Variants in NRG3 observed in about 807,000 individuals in gnomAD.
The protein encoded by NRG3 is neuregulin 3, also known as pro-neuregulin-3, membrane-bound isoform.
NRG3 carries 31 observed loss-of-function variants against 66.9 expected under a neutral mutation model. The ratio of observed to expected loss-of-function variants is 0.46; its 90% confidence interval spans 0.35 to 0.63. NRG3 has a LOEUF of 0.63. Ranked by LOEUF, NRG3 falls within the 20% of genes least tolerant of loss-of-function variation. The pLI, the probability that NRG3 is intolerant of heterozygous loss-of-function variation, is 0.00. For missense variants in NRG3, 910 were observed against 878.9 expected, an observed-to-expected ratio of 1.04 and a Z score of -0.45; for synonymous variants, 393 against 359.4, an observed-to-expected ratio of 1.09 and a Z score of -1.06.
chr10:82,187,847 A>G (rs1029830832), intron 1 of NRG3, among the ~76,000 whole-genome samples: 2 of 152,212 alleles, frequency 1.3e-5, no homozygotes, highest in African/African-American at 2.4e-5. Context: ...GACTGACATC[A>G]TAGAAGAAGC....
intron 1 of NRG3, among the ~76,000 whole-genome samples, chr10:81,980,701 G>A (rs746104747): frequency 1.3e-5 from 2 of 152,102 alleles, no homozygotes; most frequent in African/African-American, 4.8e-5. Context: ...CATATAATAG[G>A]TGCTTTAAAT....
intron 2 of NRG3, among the ~76,000 whole-genome samples, chr10:82,484,573 C>A (rs913582288): frequency 4.6e-5 from 7 of 152,156 alleles, no homozygotes; most frequent in Non-Finnish European, 8.8e-5. Flanking sequence ...CATAAGCTAT[C>A]TTTGGCATTA....
chr10:82,549,806 T>A (rs1359618558), intron 2 of NRG3, among the ~76,000 whole-genome samples: 1 of 151,924 alleles, frequency 6.6e-6, no homozygotes, highest in Non-Finnish European at 1.5e-5. Flanking sequence ...AATAAGGTGA[T>A]GCTTGGGTGC....
chr10:82,089,691 T>C (rs1463243612), intron 1 of NRG3, among the ~76,000 whole-genome samples: 1 of 152,238 alleles, frequency 6.6e-6, no homozygotes, highest in Non-Finnish European at 1.5e-5. Flanking sequence ...TCTAATTCTC[T>C]TTGAGATGAT....
chr10:82,917,919 T>C (rs1441291636), intron 4 of NRG3, among the ~76,000 whole-genome samples: 4 of 150,506 alleles, frequency 2.7e-5, no homozygotes, highest in Non-Finnish European at 5.9e-5. Flanking sequence ...TGTATTTTTA[T>C]ATATACACAC....
rs79939873 is a variant in NRG3 at position 82,700,881 on chromosome 10, C to T, written c.954-37696C>T. ...CAGTGATCTTGGACACAAGGGAACA[C>T]GTCACCTTTAACTCGTGTCACAGGA... On this transcript the variant is annotated intron_variant, in intron 2 of 8. Transcript: ENST00000372141. Among the ~76,000 whole-genome samples the T allele has an allele frequency of 2.9e-3, 445 of 152,126 alleles. 4 individuals are homozygous for T. Among genetic ancestry groups the T allele is most frequent in the African/African-American group, 0.01 (416 of 41,522 alleles).
intron 2 of NRG3, among the ~76,000 whole-genome samples, chr10:82,518,694 G>A (rs1276807362): frequency 6.6e-6 from 1 of 152,068 alleles, no homozygotes; most frequent in African/African-American, 2.4e-5. Context: ...ATCTTCAAGG[G>A]CAGCTGGTGA....
intron 2 of NRG3, among the ~76,000 whole-genome samples, chr10:82,384,420 T>C (rs918816231): frequency 2.0e-5 from 3 of 152,186 alleles, no homozygotes; most frequent in African/African-American, 7.2e-5. Context: ...CCTGATCCTC[T>C]TGATCCTCCC....
At chr10:82,143,854 A>T (rs2070011259) in intron 1 of NRG3, among the ~76,000 whole-genome samples, 1 of 152,050 alleles carries the variant, frequency 6.6e-6, no homozygotes, top group Admixed American at 6.6e-5. Context: ...ACATGGCAAA[A>T]TCCTGTTTCT....
intron 4 of NRG3, among the ~76,000 whole-genome samples, chr10:82,906,566 T>G (rs927630641): frequency 6.6e-6 from 1 of 152,208 alleles, no homozygotes; most frequent in African/African-American, 2.4e-5. Flanking sequence ...TTATAAATTT[T>G]GCCTATTTCT....
chr10:82,028,605 C>T (rs1252604071), intron 1 of NRG3, among the ~76,000 whole-genome samples: 1 of 152,030 alleles, frequency 6.6e-6, no homozygotes, highest in Non-Finnish European at 1.5e-5. Context: ...CTTCTCTGAC[C>T]TGGCAGTTCC....
intron 1 of NRG3, among the ~76,000 whole-genome samples, chr10:82,152,058 A>G (rs1400435757): frequency 1.3e-5 from 2 of 152,210 alleles, no homozygotes; most frequent in African/African-American, 4.8e-5. Context: ...CTTTTTCTGT[A>G]AAAGGCAAGA....
intron 3 of NRG3, 125 bp downstream of exon 3, chr10:82,738,775 A>G: frequency 2.5e-6 from 2 of 786,344 alleles, no homozygotes; most frequent in Non-Finnish European, 4.3e-6. Flanking sequence ...CAAGGACAGA[A>G]GCTGATGGCA....
chr10:82,039,871 C>A (rs1390949730), intron 1 of NRG3, among the ~76,000 whole-genome samples: 1 of 152,102 alleles, frequency 6.6e-6, no homozygotes, highest in Non-Finnish European at 1.5e-5. Context: ...CTTCCTCATT[C>A]TTTGCAATCC....
intron 2 of NRG3, among the ~76,000 whole-genome samples, chr10:82,594,827 A>G (rs1233740534): frequency 6.6e-6 from 1 of 150,692 alleles, no homozygotes; most frequent in African/African-American, 2.4e-5. Flanking sequence ...ATCTGCTCTT[A>G]TATCTTTTTT....
chr10:82,633,346 A>C (rs781456428), intron 2 of NRG3, among the ~76,000 whole-genome samples: 1 of 152,214 alleles, frequency 6.6e-6, no homozygotes, highest in Non-Finnish European at 1.5e-5. Flanking sequence ...TCATAAACAA[A>C]GCCAGGTTTC....
intron 2 of NRG3, among the ~76,000 whole-genome samples, chr10:82,451,728 A>G (rs2091026459): frequency 6.6e-6 from 1 of 152,134 alleles, no homozygotes; most frequent in Non-Finnish European, 1.5e-5. Flanking sequence ...TACTGAATAC[A>G]TGATTTCTCA....
At chr10:81,968,195 GC>G in intron 1 of NRG3, among the ~76,000 whole-genome samples, 1 of 152,300 alleles carries the variant, frequency 6.6e-6, no homozygotes, top group African/African-American at 2.4e-5. Flanking sequence ...CTGAGCCACT[GC>G]CTCAAGCCTC....
chr10:81,883,670 G>A (rs141587798), intron 1 of NRG3, among the ~76,000 whole-genome samples: 2 of 152,258 alleles, frequency 1.3e-5, no homozygotes, highest in African/African-American at 2.4e-5. Flanking sequence ...TATGCTAAAC[G>A]TTTGATAAGA....
Sources: allele counts gnomAD v4.1 joint callset (sites outside exome capture counted in the v4.1 genomes callset), GRCh38; gene constraint gnomAD v4.1.1; transcripts MANE v1.5; gene names NCBI Gene and HGNC (gene_info 2026-07-23, HGNC 2026-07-21).